The following PLEKHA4 variants were observed in gnomAD, a reference collection of about 807,000 sequenced individuals.
The protein encoded by PLEKHA4 is pleckstrin homology domain containing A4, also known as pleckstrin homology domain-containing family A member 4.
Under a neutral mutation model 94.7 loss-of-function variants are expected in PLEKHA4, and 73 were observed. The observed-to-expected ratio is 0.77, with a 90% CI of 0.64 to 0.94. The LOEUF (loss-of-function observed/expected upper bound fraction) is 0.94, where lower values mean the gene tolerates loss of function less well. PLEKHA4 is among the 40% of genes least tolerant of loss of function. The pLI, the probability that PLEKHA4 is intolerant of heterozygous loss-of-function variation, is 0.00. For missense variants in PLEKHA4, 1,049 were observed against 1,054.1 expected (o/e 1.00, Z 0.07); for synonymous variants, 449 against 437.1 (o/e 1.03, Z -0.34).
chr19:48,853,446 C>T (rs1475914265), intron 12 of PLEKHA4, among the ~76,000 whole-genome samples: 1 of 151,716 alleles, frequency 6.6e-6, no homozygotes, highest in African/African-American at 2.4e-5. Context: ...TTGCAGTGAG[C>T]TGAGATGGCA....
chr19:48,858,784 G>A (rs755623337), intron 8 of PLEKHA4, 76 bp downstream of exon 8: 27 of 1,528,488 alleles, frequency 1.8e-5, no homozygotes, highest in Non-Finnish European at 2.4e-5. Context: ...AGGGAGCAAT[G>A]GCCTTGAGAA....
Position 48,845,423 on chromosome 19 carries a change from G to C in PLEKHA4, c.1690C>G (p.Arg564Gly). 1 of 1,613,850 alleles carries C rather than the reference G, an allele frequency of 6.2e-7. No individual in the cohort carries two copies. The highest frequency in any genetic ancestry group is 8.5e-7 in the Non-Finnish European group (1 of 1,180,012). Residue 564 changes from arginine (R) to glycine (G), a missense_variant, in exon 16 of 20, where the codon CGG becomes GGG. Coordinates refer to ENST00000263265, the MANE Select transcript of PLEKHA4 (RefSeq NM_020904.3). Reference sequence around the variant, plus strand: ...TGGCGACCCTCAGGGCTGGAAGCCCGGGAGACCCTCGGAGACCCAAGACCT... The same window carrying C: ...TGGCGACCCTCAGGGCTGGAAGCCCCGGAGACCCTCGGAGACCCAAGACCT... Reference protein sequence around the residue: ...HLGLGSPRVSRASSPEGRHLP... With the variant: ...HLGLGSPRVSGASSPEGRHLP...
chr19:48,865,492 A>G lies in PLEKHA4; in HGVS notation c.192+11T>C. ...ACTTCAGTGTCCTTTTCCTTCTCCT[A>G]CTGACCCCACCTGCTTATGAAGCCA... On this transcript the variant is annotated intron_variant, in intron 3 of 19. Coordinates refer to ENST00000263265, the MANE Select transcript of PLEKHA4 (RefSeq NM_020904.3). 2 of 1,608,222 alleles carry G rather than the reference A, an allele frequency of 1.2e-6. No individual in the cohort carries two copies. Among genetic ancestry groups the G allele is most frequent in the Non-Finnish European group, 1.7e-6 (2 of 1,174,832 alleles).
At chr19:48,838,932 G>T (rs1016432161) in intron 18 of PLEKHA4, among the ~76,000 whole-genome samples, 1 of 151,960 alleles carries the variant, frequency 6.6e-6, no homozygotes, top group Admixed American at 6.6e-5. Flanking sequence ...CATGCATTAC[G>T]GGATTTGTAG....
At chr19:48,853,657 G>A (rs745719694) in intron 12 of PLEKHA4, 25 bp downstream of exon 12, 4 of 1,508,992 alleles carry the variant, frequency 2.7e-6, no homozygotes, top group South Asian at 1.3e-5. Context: ...CTCCTAGGAG[G>A]GCAGGCCCCT....
At chr19:48,839,967 G>A (rs76410699) in intron 17 of PLEKHA4, among the ~76,000 whole-genome samples, 3 of 151,948 alleles carry the variant, frequency 2.0e-5, no homozygotes, top group Non-Finnish European at 4.4e-5. Flanking sequence ...AATTAGCAGG[G>A]TGTGGTGGCA....
Position 48,865,522 on chromosome 19 carries a change from CG to C in PLEKHA4, c.172del (p.Arg58GlufsTer39), listed in dbSNP as rs2036798539. 6.2e-7 allele frequency: 1 copy of C among 1,614,002 alleles called. No homozygotes were observed. On this transcript the variant is annotated frameshift_variant, in exon 3 of 20. Coordinates refer to ENST00000263265, the MANE Select transcript of PLEKHA4 (RefSeq NM_020904.3). LOFTEE classifies it high-confidence loss of function. ...CCCCACCTGCTTATGAAGCCAGCCT[CG>C]GATGTGCACGGGAAGGTTGGGATCC... The part of the protein sequence containing the change: ...RRDPNLPVHI[R>X]GWLHKQDSSG...
Position 48,841,249 on chromosome 19 carries a change from T to C in PLEKHA4, c.1805A>G (p.Gln602Arg). 5 of 1,613,706 alleles carry C rather than the reference T, an allele frequency of 3.1e-6. No individual in the cohort carries two copies. The highest frequency in any genetic ancestry group is 4.2e-6 in the Non-Finnish European group (5 of 1,179,912). ...QEQLERMRRN[Q>R]ECGRPFPRPT... ...GCGAGGGAAGGGCCGTCCACATTCC[T>C]GGTTTCTGCGCATCCGCTCCAGCTG... Residue 602 changes from glutamine to arginine, a missense_variant, in exon 17 of 20, where the codon CAG becomes CGG. Transcript: ENST00000263265.
At chr19:48,841,108 A>G (rs764114378) in intron 17 of PLEKHA4, 41 bp downstream of exon 17, 1 of 1,580,256 alleles carries the variant, frequency 6.3e-7, no homozygotes, top group Non-Finnish European at 8.6e-7. Flanking sequence ...AAGAGGACCT[A>G]CTACCACCCC....
intron 17 of PLEKHA4, among the ~76,000 whole-genome samples, chr19:48,840,573 G>A (rs774949921): frequency 1.3e-5 from 2 of 151,828 alleles, no homozygotes; most frequent in Non-Finnish European, 2.9e-5. Context: ...TTACAGACAT[G>A]TGCTACCATG....
intron 18 of PLEKHA4, 145 bp downstream of exon 18, chr19:48,839,060 T>G: frequency 2.2e-6 from 1 of 463,666 alleles, no homozygotes; most frequent in Non-Finnish European, 3.8e-6. Context: ...CTGGTTTTGT[T>G]GCAGATGCCC....
chr19:48,837,944 C>T lies in PLEKHA4; in HGVS notation c.2077+73G>A, dbSNP rs2035601147. 2.3e-6 allele frequency: 3 copies of T among 1,280,918 alleles called. No individual in the cohort carries two copies. In the East Asian group the frequency reaches 7.0e-5, roughly 30 times the overall value. The allele number at this position is 1,280,918 out of a possible 1,614,324, so 79.3% of individuals were successfully genotyped here. ...CACCGGCCCCCAGACCCCTCCTCTC[C>T]AGGACCTGGGATTCCAGGTCTCCAG... On this transcript the variant is annotated intron_variant, in intron 19 of 19. Transcript: ENST00000263265. The surrounding 1 kb of genome is among the most constrained non-coding windows in gnomAD (Gnocchi z 4.3).
intron 14 of PLEKHA4, among the ~76,000 whole-genome samples, chr19:48,846,984 C>T (rs147392901): frequency 6.6e-5 from 10 of 152,194 alleles, no homozygotes; most frequent in African/African-American, 2.4e-4. Context: ...CTGGTTCAAG[C>T]GATTCTCCTG....
chr19:48,858,952 G>A lies in PLEKHA4; in HGVS notation c.880C>T (p.Pro294Ser), dbSNP rs957446867. 3 of 1,596,048 alleles carry A rather than the reference G, an allele frequency of 1.9e-6. No homozygotes were observed. In the South Asian group the frequency reaches 3.4e-5, roughly 18 times the overall value. The change falls in exon 8 of 20, where the codon CCC becomes TCC. Residue 294 changes from proline to serine, a missense_variant. Coordinates refer to ENST00000263265, the MANE Select transcript of PLEKHA4 (RefSeq NM_020904.3). ...WGPQRQTLSR[P>S]PTPRRGPPSE... ...GGAGGTCCTCGGCGGGGAGTAGGGG[G>A]TCGGGAGAGGGTCTGGCGTTGGGGG...
At chr19:48,857,634 G>C (rs1245744706) in intron 8 of PLEKHA4, 138 bp from the exon 9 acceptor site, 16 of 616,732 alleles carry the variant, frequency 2.6e-5, no homozygotes, top group Non-Finnish European at 4.3e-5. Context: ...TGTGCTCTCT[G>C]AAACATGTGC....
intron 9 of PLEKHA4, among the ~76,000 whole-genome samples, chr19:48,855,799 A>T (rs916986831): frequency 7.9e-5 from 12 of 151,300 alleles, no homozygotes; most frequent in African/African-American, 1.2e-4. Context: ...AAGAAAATAA[A>T]TAATTTTTTT....
In PLEKHA4 at chr19:48,867,693, G is replaced by C. The variant is rs2036881908; in HGVS notation, c.-6-67C>G. 2 of 1,444,226 alleles carry C rather than the reference G, an allele frequency of 1.4e-6. No homozygotes were observed. The highest frequency in any genetic ancestry group is 1.9e-6 in the Non-Finnish European group (2 of 1,055,754). 89.5% of individuals were successfully genotyped at this position (1,444,226 alleles called of 1,614,324 possible). ...GGTGTGAGACAGAGATGGGGTCAGGGGCTTGGAGGTCGGAGGAGGCTGCAG... is the reference window on the plus strand; with the variant it reads ...GGTGTGAGACAGAGATGGGGTCAGGCGCTTGGAGGTCGGAGGAGGCTGCAG... On this transcript the variant is annotated intron_variant, in intron 1 of 19. Transcript: ENST00000263265. The surrounding 1 kb of genome is among the most constrained non-coding windows in gnomAD (Gnocchi z 4.7).
Position 48,837,869 on chromosome 19 carries a change from A to G in PLEKHA4, c.2077+148T>C, listed in dbSNP as rs2122850610. 1.4e-6 allele frequency: 1 copy of G among 701,014 alleles called. No homozygotes were observed. Among genetic ancestry groups the G allele is most frequent in the Non-Finnish European group, 2.4e-6 (1 of 415,166 alleles). 43.4% of individuals were successfully genotyped at this position (701,014 alleles called of 1,614,324 possible). A position where few individuals can be genotyped will look rare whatever the true frequency, so the allele number is the denominator to read the frequency against. On this transcript the variant is annotated intron_variant, in intron 19 of 19. Transcript: ENST00000263265. This position sits in a 1 kb window ranked among gnomAD's most constrained non-coding sequence, Gnocchi z 4.3. Reference sequence around the variant, plus strand: ...CCCAGTCACCTCTTGCCTGAGACCTAAAACTCCCAAACCCTGCCCAACTCT... The same window carrying G: ...CCCAGTCACCTCTTGCCTGAGACCTGAAACTCCCAAACCCTGCCCAACTCT...
intron 13 of PLEKHA4, among the ~76,000 whole-genome samples, chr19:48,849,035 GA>G (rs2036083565): frequency 6.6e-6 from 1 of 151,922 alleles, no homozygotes; most frequent in Non-Finnish European, 1.5e-5. Context: ...GAGTAACTGG[GA>G]CCACAGGCGT....
Sources: gnomAD v4.1 joint callset for allele counts (sites outside exome capture counted in the v4.1 genomes callset) on GRCh38, gnomAD v4.1.1 for gene constraint, Gnocchi (gnomAD v3.1) non-coding constraint, MANE v1.5 for transcripts, NCBI Gene and HGNC (gene_info 2026-07-23, HGNC 2026-07-21) for gene names.